The following TONSL variants were observed in gnomAD, a reference collection of about 807,000 sequenced individuals.
The protein encoded by TONSL is tonsoku like, DNA repair protein.
TONSL carries 112 observed loss-of-function variants against 147.1 expected under a neutral mutation model. That is an observed-to-expected ratio of 0.76 (90% CI 0.65 to 0.89). The LOEUF (loss-of-function observed/expected upper bound fraction) is 0.89, where lower values mean the gene tolerates loss of function less well. TONSL is among the 40% of genes least tolerant of loss of function. The probability of loss-of-function intolerance (pLI) is 0.00; values close to 1 mark genes in which losing one functional copy is unlikely to be tolerated. For synonymous variants in TONSL, 868 were observed against 801.5 expected, an observed-to-expected ratio of 1.08 and a Z score of -1.40; for missense variants, 1,883 against 1,864.6, an observed-to-expected ratio of 1.01 and a Z score of -0.18.
Position 144,435,639 on chromosome 8 carries a change from T to C in TONSL, c.2775+19A>G, listed in dbSNP as rs375270024. On this transcript the variant is annotated intron_variant, in intron 17 of 25. Coordinates refer to ENST00000409379, the MANE Select transcript of TONSL (RefSeq NM_013432.5). ...GCCCGGAGTGGGGAGAGGGCTCTGC[T>C]CCAGGTCTGCATACCCACCAAGGGC... 4.0e-5 allele frequency: 64 copies of C among 1,590,906 alleles called. No homozygotes were observed. The African/African-American group carries it at 7.9e-4, about 20-fold the overall frequency.
Position 144,432,369 on chromosome 8 carries a change from G to A in TONSL, c.3651C>T (p.Thr1217=). 1 of 1,612,758 alleles carries A rather than the reference G, an allele frequency of 6.2e-7. No individual in the cohort carries two copies. The highest frequency in any genetic ancestry group is 8.5e-7 in the Non-Finnish European group (1 of 1,179,542). Residue 1217 remains threonine, a synonymous_variant, in exon 23 of 26, where the codon ACC becomes ACT. Transcript: ENST00000409379. ...ARTLQSLPAG[T]LLHLELSSVA... is the part of the protein sequence containing the mutation. The stretch of plus-strand genomic sequence containing the variant: ...CGGAGCTGAGCTCTAAGTGCAGGAG[G>A]GTGCCGGCGGGCAGGCTCTGCAGGG...
chr8:144,444,418 CGG>C lies in TONSL; in HGVS notation c.-6_-5del. ...GAAGCTCGCGCTCCAGGCTCATGCT[CGG>C]ATCGCCGCGGGATCCGGACTTCCCG... is the stretch of plus-strand genomic sequence containing the variant. On this transcript the variant is annotated 5_prime_UTR_variant, in exon 1 of 26. The change creates a new upstream start codon in the 5' untranslated region. Transcript: ENST00000409379. 1.6e-6 allele frequency: 2 copies of C among 1,235,838 alleles called. No individual in the cohort carries two copies. The highest frequency in any genetic ancestry group is 1.0e-6 in the Non-Finnish European group (1 of 987,864). The allele number at this position is 1,235,838 out of a possible 1,614,324, so 76.6% of individuals were successfully genotyped here. A position where few individuals can be genotyped will look rare whatever the true frequency, so the allele number is the denominator to read the frequency against.
chr8:144,442,609 T>C (rs1823761464), intron 5 of TONSL, 68 bp downstream of exon 5: 2 of 1,564,054 alleles, frequency 1.3e-6, no homozygotes, highest in Non-Finnish European at 1.7e-6. Context: ...CTGGGAAAAA[T>C]ACTCCCCTAA....
rs1014404912 is a variant in TONSL at position 144,438,537 on chromosome 8, C to A, written c.1587G>T (p.Gly529=). The A allele has an allele frequency of 1.2e-6, 2 of 1,613,074 alleles. No individual in the cohort carries two copies. The highest frequency in any genetic ancestry group is 2.7e-5 in the African/African-American group (2 of 74,918). Residue 529 remains glycine, a synonymous_variant, in exon 13 of 26, where the codon GGG becomes GGT. Transcript: ENST00000409379. The stretch of plus-strand genomic sequence containing the variant: ...TGCAGGCTCGGTGCAGCAGGGTCTC[C>A]CCCATGTCGTTTCGCCGGTTCCACT... ...GSKWNRRNDM[G]ETLLHRACIE...
Position 144,443,235 on chromosome 8 carries a change from G to A in TONSL, c.351C>T (p.His117=). ...ACTGGCAGTGGTCATAGATGTCCAG[G>A]TGGGTGCGGCCGATGGTGGCCCAGG... ...QRAWATIGRT[H]LDIYDHCQSR... Residue 117 remains histidine, a synonymous_variant, in exon 4 of 26, where the codon CAC becomes CAT. Coordinates refer to ENST00000409379, the MANE Select transcript of TONSL (RefSeq NM_013432.5). 1.9e-6 allele frequency: 3 copies of A among 1,550,836 alleles called. No individual in the cohort carries two copies. Among genetic ancestry groups the A allele is most frequent in the East Asian group, 2.4e-5 (1 of 40,932 alleles).
At position 144,440,385 on chromosome 8, in the gene TONSL, C is replaced by T; in HGVS notation, c.1256G>A (p.Ser419Asn). The T allele has an allele frequency of 3.1e-6, 5 of 1,607,292 alleles. No individual in the cohort carries two copies. Among genetic ancestry groups the T allele is most frequent in the Non-Finnish European group, 4.3e-6 (5 of 1,176,324 alleles). ...GGGACGCTGGGCCTGCTGGGCACAG[C>T]TGAGCGCTTTCTGGAAGCACGGGGC... The part of the protein sequence containing the change: ...LLAPCFQKAL[S>N]CAQQAQRPQL... The change falls in exon 10 of 26, where the codon AGC (serine) becomes AAC (asparagine). Residue 419 changes from serine to asparagine, a missense_variant. Ser to Asn is a conservative substitution (Grantham distance 46). Coordinates refer to ENST00000409379, the MANE Select transcript of TONSL (RefSeq NM_013432.5).
At chr8:144,438,608 C>A (rs1235001450) in intron 12 of TONSL, 45 bp downstream of exon 12, 1 of 1,611,960 alleles carries the variant, frequency 6.2e-7, no homozygotes, top group Admixed American at 1.7e-5. Context: ...GAGGAGCTGG[C>A]AGGGCTGCTG....
chr8:144,429,395 C>T, intron 25 of TONSL, 59 bp from the exon 26 acceptor site: 1 of 1,337,908 alleles, frequency 7.5e-7, no homozygotes, highest in Non-Finnish European at 9.6e-7. Context: ...TCCTGGTGCC[C>T]GCGGCAGGCT....
chr8:144,435,882 G>A lies in TONSL; in HGVS notation c.2551C>T (p.Arg851Trp), dbSNP rs533837771. ...GGCCTGCGGTTGTCTCCAGTGCCCC[G>A]GGGGCGGGGCCGGCGGCTGCGGGTC... ...PLTRSRRPRP[R>W]GTGDNRRPSS... The change falls in exon 17 of 26, where the codon CGG (arginine) becomes TGG (tryptophan). Residue 851 changes from arginine (R) to tryptophan (W), a missense_variant. Physicochemically the swap from Arg to Trp is moderately radical, Grantham distance 101. Transcript: ENST00000409379. 9.3e-5 allele frequency: 149 copies of A among 1,599,944 alleles called. No individual in the cohort carries two copies. The highest frequency in any genetic ancestry group is 9.2e-4 in the South Asian group (83 of 90,686).
At chr8:144,442,011 G>T in intron 7 of TONSL, 26 bp downstream of exon 7, 1 of 1,601,556 alleles carries the variant, frequency 6.2e-7, no homozygotes, top group South Asian at 1.1e-5. Flanking sequence ...CACCTCCCAG[G>T]GCCCCATTCG....
chr8:144,433,475 C>G (rs1823304002), intron 22 of TONSL, 113 bp downstream of exon 22: 1 of 1,051,000 alleles, frequency 9.5e-7, no homozygotes, highest in Non-Finnish European at 1.4e-6. Context: ...TCTCAAGTAG[C>G]TGGGACCACA....
At position 144,428,945 on chromosome 8, in the gene TONSL, A is replaced by T; in HGVS notation, c.*198T>A. 1 of 557,718 alleles carries T rather than the reference A, an allele frequency of 1.8e-6. No individual in the cohort carries two copies. Among genetic ancestry groups the T allele is most frequent in the Non-Finnish European group, 2.9e-6 (1 of 340,592 alleles). 34.5% of individuals were successfully genotyped at this position (557,718 alleles called of 1,614,324 possible). ...GCTGGGACTACAGGCTTCCACCACC[A>T]CGCCCGGCTAATTTTTGGTATTTTT... On this transcript the variant is annotated 3_prime_UTR_variant, in exon 26 of 26. Coordinates refer to ENST00000409379, the MANE Select transcript of TONSL (RefSeq NM_013432.5).
chr8:144,439,765 CCTCT>C (rs1823628851), intron 11 of TONSL: 3 of 517,826 alleles, frequency 5.8e-6, no homozygotes, highest in Middle Eastern at 9.7e-4. Flanking sequence ...ATGGCACGTG[CCTCT>C]CTAACGGGAC....
intron 22 of TONSL, 198 bp downstream of exon 22, chr8:144,433,390 T>C: frequency 1.4e-5 from 8 of 584,012 alleles, no homozygotes; most frequent in Non-Finnish European, 2.1e-5. Flanking sequence ...CGCTTTTTTC[T>C]TAAGGGATGG....
chr8:144,442,423 G>GT lies in TONSL; in HGVS notation c.579-12dup. ...TAAAGGTGGTTCTGCCTGCAGAGGG[G>GT]TGACGACCACTGAGCACCCAGGAGT... On this transcript the variant is annotated splice_polypyrimidine_tract_variant and intron_variant, in intron 5 of 25. Coordinates refer to ENST00000409379, the MANE Select transcript of TONSL (RefSeq NM_013432.5). The GT allele has an allele frequency of 6.5e-7, 1 of 1,530,344 alleles. No individual in the cohort carries two copies. Among genetic ancestry groups the GT allele is most frequent in the South Asian group, 1.3e-5 (1 of 79,404 alleles). 94.8% of individuals were successfully genotyped at this position (1,530,344 alleles called of 1,614,324 possible).
intron 18 of TONSL, 95 bp from the exon 19 acceptor site, chr8:144,435,265 A>G: frequency 7.1e-7 from 1 of 1,415,760 alleles, no homozygotes; most frequent in African/African-American, 1.4e-5. Context: ...AAGCCCCCTC[A>G]GCTGCTTCTC....
chr8:144,436,199 T>C lies in TONSL; in HGVS notation c.2234A>G (p.Glu745Gly). The C allele has an allele frequency of 6.4e-7, 1 of 1,570,010 alleles. No homozygotes were observed. Among genetic ancestry groups the C allele is most frequent in the Non-Finnish European group, 8.6e-7 (1 of 1,161,198 alleles). ...HGPASSSSSS[E>G]GEDSAGPARP... ...TGCGGGGCCTGCGCTGTCCTCGCCT[T>C]CTGAGCTGCTGCTGCTGCTGGCTGG... The change falls in exon 17 of 26, where the codon GAA becomes GGA. Residue 745 changes from glutamate (E) to glycine (G), a missense_variant. Physicochemically the swap from Glu to Gly is moderately conservative, Grantham distance 98 (BLOSUM62 -2). Transcript: ENST00000409379.
In TONSL at chr8:144,435,678, A is replaced by G; in HGVS notation, c.2755T>C (p.Ser919Pro). The part of the protein sequence containing the change: ...PRVSEPSGDS[S>P]AAGQPLGPAP... ...CCCACCAAGGGCTGGCCTGCCGCAG[A>G]GCTGTCCCCACTGGGCTCTGAGACC... The change falls in exon 17 of 26, where the codon TCT (serine) becomes CCT (proline). Residue 919 changes from serine (S) to proline (P), a missense_variant. Coordinates refer to ENST00000409379, the MANE Select transcript of TONSL (RefSeq NM_013432.5). The G allele has an allele frequency of 1.2e-6, 2 of 1,606,980 alleles. No homozygotes were observed. Among genetic ancestry groups the G allele is most frequent in the Non-Finnish European group, 1.7e-6 (2 of 1,175,490 alleles).
intron 22 of TONSL, chr8:144,433,120 G>A (rs190083725): frequency 2.6e-3 from 411 of 157,976 alleles, no homozygotes; most frequent in African/African-American, 9.3e-3. Context: ...TTGCTCTGTC[G>A]CCCAGGCTGG....
Sources: allele counts gnomAD v4.1 joint callset, GRCh38; gene constraint gnomAD v4.1.1; transcripts MANE v1.5; gene names NCBI Gene and HGNC (gene_info 2026-07-23, HGNC 2026-07-21).